Variants in CPEB3 observed in about 807,000 individuals in gnomAD.
CPEB3 encodes the protein cytoplasmic polyadenylation element-binding protein 3.
In CPEB3, 20 loss-of-function variants were observed where a neutral mutation model predicts 67.2. The ratio of observed to expected loss-of-function variants is 0.30; its 90% CI spans 0.21 to 0.43. The LOEUF (loss-of-function observed/expected upper bound fraction) is 0.43, where lower values mean the gene tolerates loss of function less well. Among genes scored for constraint, CPEB3 ranks in the 20% least tolerant of loss-of-function variants. CPEB3 has a pLI of 1.00. For missense variants in CPEB3, 746 were observed against 968.6 expected (o/e 0.77, Z 3.05); for synonymous variants, 376 against 393.1 (o/e 0.96, Z 0.51).
At chr10:92,074,864 A>C (rs1315851836) in intron 9 of CPEB3, among the ~76,000 whole-genome samples, 1 of 152,232 alleles carries the variant, frequency 6.6e-6, no homozygotes, top group African/African-American at 2.4e-5. Context: ...TTGGGGAGCC[A>C]TAGGGGAAGA....
At chr10:92,164,132 T>C (rs1239867417) in intron 4 of CPEB3, among the ~76,000 whole-genome samples, 1 of 152,184 alleles carries the variant, frequency 6.6e-6, no homozygotes, top group Non-Finnish European at 1.5e-5. Flanking sequence ...GTTCCAGGCA[T>C]ATGCTAAGTA....
intron 6 of CPEB3, among the ~76,000 whole-genome samples, chr10:92,134,179 A>G (rs866704533): frequency 2.0e-5 from 3 of 152,282 alleles, no homozygotes; most frequent in Middle Eastern, 6.8e-3. Context: ...CAATCAGGCA[A>G]GAGAAAGAAA....
At chr10:92,203,048 T>C (rs1849591462) in intron 2 of CPEB3, among the ~76,000 whole-genome samples, 1 of 151,440 alleles carries the variant, frequency 6.6e-6, no homozygotes, top group African/African-American at 2.4e-5. Flanking sequence ...TTCAAGCAAT[T>C]CTCCTGCCTC....
In CPEB3 at chr10:92,097,161, C is replaced by T. The variant is rs147392190; in HGVS notation, c.1573-5217G>A. 1.0e-4 allele frequency among the ~76,000 whole-genome samples: 15 copies of T among 146,286 alleles called. 1 individual carries two copies. The highest frequency in any genetic ancestry group is 3.6e-4 in the African/African-American group (15 of 41,368). On this transcript the variant is annotated intron_variant, in intron 7 of 9. Coordinates refer to ENST00000265997, the MANE Select transcript of CPEB3 (RefSeq NM_014912.5). ...GCTCCAGCAAGTAGTTACCACTTGC[C>T]TAAGTATTGTCAGACTTTTTCCATT...
chr10:92,275,940 C>T (rs529271400), intron 1 of CPEB3, among the ~76,000 whole-genome samples: 59 of 150,988 alleles, frequency 3.9e-4, no homozygotes, highest in African/African-American at 1.4e-3. Context: ...GCTCCGCCTC[C>T]TGGGTTCACG....
chr10:92,242,251 C>T (rs570541789), intron 1 of CPEB3, among the ~76,000 whole-genome samples: 4 of 151,844 alleles, frequency 2.6e-5, no homozygotes, highest in Admixed American at 2.6e-4. Context: ...CTCCCTTCAA[C>T]CCCCCCAGGG....
intron 6 of CPEB3, among the ~76,000 whole-genome samples, chr10:92,139,741 C>T (rs1295230282): frequency 6.6e-6 from 1 of 152,046 alleles, no homozygotes; most frequent in East Asian, 1.9e-4. Flanking sequence ...ATGAATACCC[C>T]ATTTACCCTG....
chr10:92,268,654 C>T (rs1853167680), intron 1 of CPEB3, among the ~76,000 whole-genome samples: 1 of 152,162 alleles, frequency 6.6e-6, no homozygotes, highest in Admixed American at 6.6e-5. Flanking sequence ...CTTTCTTCTT[C>T]TTCTGTTGAT....
chr10:92,218,792 A>G (rs1301681791), intron 2 of CPEB3, among the ~76,000 whole-genome samples: 4 of 151,434 alleles, frequency 2.6e-5, no homozygotes, highest in African/African-American at 9.7e-5. Context: ...ACCTCACAGC[A>G]GTTCCACTTC....
chr10:92,278,122 T>C (rs1360831859), intron 1 of CPEB3, among the ~76,000 whole-genome samples: 4 of 151,608 alleles, frequency 2.6e-5, no homozygotes, highest in Non-Finnish European at 4.4e-5. Flanking sequence ...GAAGAGGAGG[T>C]TGCAGTGAGC....
intron 6 of CPEB3, among the ~76,000 whole-genome samples, chr10:92,126,443 A>G (rs1315247913): frequency 6.6e-6 from 1 of 152,176 alleles, no homozygotes; most frequent in African/African-American, 2.4e-5. Flanking sequence ...TTCCATGGTT[A>G]AGTTATGGCT....
Position 92,239,932 on chromosome 10 carries a change from G to T in CPEB3, c.419C>A (p.Pro140Gln), listed in dbSNP as rs767431279. Residue 140 changes from proline to glutamine, a missense_variant, in exon 2 of 10, where the codon CCG becomes CAG. Pro to Gln is a moderately conservative substitution (Grantham distance 76). Transcript: ENST00000265997. The surrounding 1 kb of genome is among the most constrained non-coding windows in gnomAD (Gnocchi z 6.0). The part of the protein sequence containing the change: ...VNGTMLFQNF[P>Q]HHVNPVFGGT... Reference sequence around the variant, plus strand: ...TCCGAAGACTGGGTTGACATGGTGCGGGAAGTTCTGGAAGAGCATGGTCCC... The same window carrying T: ...TCCGAAGACTGGGTTGACATGGTGCTGGAAGTTCTGGAAGAGCATGGTCCC... The T allele has an allele frequency of 2.5e-6, 4 of 1,613,462 alleles. No individual in the cohort carries two copies. The highest frequency in any genetic ancestry group is 3.4e-6 in the Non-Finnish European group (4 of 1,179,736).
At chr10:92,233,902 T>G (rs1590472826) in intron 2 of CPEB3, among the ~76,000 whole-genome samples, 1 of 151,598 alleles carries the variant, frequency 6.6e-6, no homozygotes, top group Admixed American at 6.6e-5. Flanking sequence ...AAGTCAGGAG[T>G]TCAGGACCAG....
chr10:92,108,792 A>G (rs1376518695), intron 7 of CPEB3, among the ~76,000 whole-genome samples: 1 of 152,196 alleles, frequency 6.6e-6, no homozygotes, highest in Admixed American at 6.5e-5. Context: ...AAACAGATTA[A>G]TTCTACTAAT....
chr10:92,235,342 A>G (rs1431602933), intron 2 of CPEB3, among the ~76,000 whole-genome samples: 1 of 152,142 alleles, frequency 6.6e-6, no homozygotes, highest in Non-Finnish European at 1.5e-5. Context: ...GCTACTTGGG[A>G]AGCTGAGGCA....
chr10:92,053,534 TTTTC>T (rs1214260015), intron 9 of CPEB3, among the ~76,000 whole-genome samples: 5 of 132,804 alleles, frequency 3.8e-5, no homozygotes, highest in Admixed American at 8.0e-5. Flanking sequence ...CGGCTAATTT[TTTTC>T]TTTTTCTTTT....
At chr10:92,230,449 C>T (rs1184785414) in intron 2 of CPEB3, among the ~76,000 whole-genome samples, 1 of 152,086 alleles carries the variant, frequency 6.6e-6, no homozygotes, top group Non-Finnish European at 1.5e-5. Context: ...TCCTCTGAGG[C>T]CTGCCAACAA....
At chr10:92,230,848 C>T (rs543187688) in intron 2 of CPEB3, among the ~76,000 whole-genome samples, 2 of 152,146 alleles carry the variant, frequency 1.3e-5, no homozygotes, top group Non-Finnish European at 2.9e-5. Context: ...GGCTATATTA[C>T]CTCAACTCTC....
chr10:92,114,490 CAGA>C (rs1226205280), intron 6 of CPEB3, among the ~76,000 whole-genome samples: 1 of 152,182 alleles, frequency 6.6e-6, no homozygotes, highest in Non-Finnish European at 1.5e-5. Context: ...GACTAGGAGA[CAGA>C]AGGTCTAGAT....
Sources: gnomAD v4.1 joint callset for allele counts (sites outside exome capture counted in the v4.1 genomes callset) on GRCh38, gnomAD v4.1.1 for gene constraint, Gnocchi (gnomAD v3.1) non-coding constraint, MANE v1.5 for transcripts, NCBI Gene and HGNC (gene_info 2026-07-23, HGNC 2026-07-21) for gene names.